Variants in ANK2 observed in about 807,000 individuals in gnomAD.
ANK2 encodes the protein ankyrin-2.
A neutral mutation model predicts 360.5 loss-of-function variants in ANK2; 83 were observed. The ratio of observed to expected loss-of-function variants is 0.23; its 90% CI spans 0.19 to 0.28. The LOEUF (loss-of-function observed/expected upper bound fraction) is 0.28. Ranked by LOEUF, ANK2 falls within the 10% of genes least tolerant of loss-of-function variation. ANK2 has a pLI of 1.00. For synonymous variants in ANK2, 1,740 were observed against 1,759.5 expected, an observed-to-expected ratio of 0.99 and a Z score of 0.28; for missense variants, 4,201 against 4,795.7, an observed-to-expected ratio of 0.88 and a Z score of 3.66.
chr4:112,782,299 C>T, the ANK2 span, among the ~76,000 whole-genome samples: 8 of 152,086 alleles, frequency 5.3e-5, no homozygotes, highest in Non-Finnish European at 8.8e-5. Context: ...TGATTTGAGT[C>T]ATTATACTAT....
intron 26 of ANK2, among the ~76,000 whole-genome samples, chr4:113,320,642 G>A (rs1263025090): frequency 2.0e-5 from 3 of 151,776 alleles, no homozygotes; most frequent in Non-Finnish European, 4.4e-5. Flanking sequence ...GTGACAGAGT[G>A]AGACTCCATC....
At chr4:113,275,361 C>CAGCTAATTAG (rs1372385690) in intron 15 of ANK2, among the ~76,000 whole-genome samples, 1 of 152,166 alleles carries the variant, frequency 6.6e-6, no homozygotes, top group Non-Finnish European at 1.5e-5. Flanking sequence ...TGAATATACT[C>CAGCTAATTAG]AGCTAATTAG....
intron 1 of ANK2, among the ~76,000 whole-genome samples, chr4:113,077,466 T>A (rs1016959694): frequency 1.3e-5 from 2 of 152,220 alleles, no homozygotes; most frequent in African/African-American, 4.8e-5. Flanking sequence ...GTATAATTTT[T>A]AAAATCTGGG....
chr4:113,237,757 A>C, intron 7 of ANK2, 135 bp downstream of exon 7: 1 of 800,910 alleles, frequency 1.2e-6, no homozygotes, highest in Non-Finnish European at 2.2e-6. Context: ...AACCTTCCCC[A>C]TAATGAAGGC....
intron 2 of ANK2, among the ~76,000 whole-genome samples, chr4:113,008,525 G>A (rs772098609): frequency 6.6e-6 from 1 of 152,150 alleles, no homozygotes; most frequent in Admixed American, 6.6e-5. Context: ...CATGATAAAT[G>A]ATATAAGAAT....
At chr4:112,794,888 G>T in the ANK2 span, among the ~76,000 whole-genome samples, 1 of 152,016 alleles carries the variant, frequency 6.6e-6, no homozygotes, top group African/African-American at 2.4e-5. Context: ...AACTGTGAGC[G>T]TAATAGAATA....
chr4:112,861,476 G>A (rs1305886370), intron 1 of ANK2, among the ~76,000 whole-genome samples: 2 of 152,110 alleles, frequency 1.3e-5, no homozygotes, highest in African/African-American at 2.4e-5. Context: ...TACTACAGGC[G>A]TGCTAGTATA....
Position 113,317,484 on chromosome 4 carries a change from G to A in ANK2, c.2694-223G>A, listed in dbSNP as rs1237240774. On this transcript the variant is annotated intron_variant, in intron 24 of 45. Coordinates refer to ENST00000357077, the MANE Select transcript of ANK2 (RefSeq NM_001148.6). The stretch of plus-strand genomic sequence containing the variant: ...TAGGAGTATCAAATTTTAACTTCTG[G>A]ATTCCCTTGTGCTCTTGCCATTGAG... 4 of 568,668 alleles carry A rather than the reference G, an allele frequency of 7.0e-6. No individual in the cohort carries two copies. The East Asian group carries it at 9.2e-5, about 13-fold the overall frequency. 35.2% of individuals were successfully genotyped at this position (568,668 alleles called of 1,614,324 possible).
chr4:113,282,946 G>A, intron 18 of ANK2, 74 bp downstream of exon 18: 6 of 1,494,882 alleles, frequency 4.0e-6, no homozygotes, highest in African/African-American at 1.4e-5. Flanking sequence ...CAGACAGTTT[G>A]GAACAAAAAG....
rs980723515 is a variant in ANK2, at chr4:113,352,928, C to A, written c.4427-117C>A. 9 of 1,189,666 alleles carry A rather than the reference C, an allele frequency of 7.6e-6. No homozygotes were observed. In the African/African-American group the frequency reaches 1.1e-4, roughly 14 times the overall value. 73.7% of individuals were successfully genotyped at this position (1,189,666 alleles called of 1,614,324 possible). A position where few individuals can be genotyped will look rare whatever the true frequency, so the allele number is the denominator to read the frequency against. ...CTACCATTCCCAGCCCATTTTGTTG[C>A]CCCTCCCACCACCACCACCACAGGA... On this transcript the variant is annotated intron_variant, in intron 37 of 45. Transcript: ENST00000357077.
rs143957281 is a variant in ANK2, at chr4:113,364,082, T to G, written c.10888+613T>G. On this transcript the variant is annotated intron_variant, in intron 40 of 45. Transcript: ENST00000357077. ...TATTGTTTGTTTATGAATGGCATGG[T>G]GGGAGGAGGTGCTCCTTACAATTTT... 3.0e-3 allele frequency among the ~76,000 whole-genome samples: 460 copies of G among 152,302 alleles called. 1 individual carries two copies. Among genetic ancestry groups the G allele is most frequent in the Non-Finnish European group, 5.6e-3 (381 of 68,020 alleles).
chr4:113,245,029 G>T (rs897014639), intron 9 of ANK2, among the ~76,000 whole-genome samples: 4 of 152,086 alleles, frequency 2.6e-5, no homozygotes, highest in African/African-American at 9.7e-5. Context: ...TGGGCATTTG[G>T]CTTGGTTCTA....
chr4:113,116,571 C>T (rs147707132), intron 1 of ANK2, among the ~76,000 whole-genome samples: 178 of 152,320 alleles, frequency 1.2e-3, no homozygotes, highest in Non-Finnish European at 2.0e-3. Flanking sequence ...TCTCCCAAAA[C>T]AGCAACGTCG....
the ANK2 span, chr4:112,798,764 A>G: frequency 5.3e-5 from 8 of 152,178 alleles, no homozygotes; most frequent in African/African-American, 1.9e-4. Context: ...CTGGCCATCT[A>G]TCTTACTCAG....
At chr4:113,220,015 C>T (rs1012839075) in intron 4 of ANK2, among the ~76,000 whole-genome samples, 4 of 152,152 alleles carry the variant, frequency 2.6e-5, no homozygotes, top group Non-Finnish European at 5.9e-5. Context: ...CATCTGGTGG[C>T]TCATTCATAA....
chr4:113,107,081 G>A (rs1027690003), intron 1 of ANK2: 8 of 319,466 alleles, frequency 2.5e-5, no homozygotes, highest in Non-Finnish European at 4.3e-5. Context: ...AAGGCCTGGT[G>A]TAAATCTTTG....
chr4:113,261,096 T>C (rs2052616397), intron 13 of ANK2, among the ~76,000 whole-genome samples: 1 of 152,212 alleles, frequency 6.6e-6, no homozygotes, highest in Admixed American at 6.5e-5. Context: ...GCTTTGGACA[T>C]GAGCATACCC....
At chr4:112,989,780 G>T (rs1336298636) in intron 2 of ANK2, among the ~76,000 whole-genome samples, 2 of 152,126 alleles carry the variant, frequency 1.3e-5, no homozygotes, top group Non-Finnish European at 2.9e-5. Context: ...GCTTAGTGTT[G>T]TTCTGTGGGA....
At chr4:113,128,308 T>C (rs746084379) in intron 1 of ANK2, among the ~76,000 whole-genome samples, 5 of 152,230 alleles carry the variant, frequency 3.3e-5, no homozygotes, top group Non-Finnish European at 5.9e-5. Context: ...AATGCACACG[T>C]ATACGAAACA....
Sources: gnomAD v4.1 joint callset for allele counts (sites outside exome capture counted in the v4.1 genomes callset) on GRCh38, gnomAD v4.1.1 for gene constraint, MANE v1.5 for transcripts, NCBI Gene and HGNC (gene_info 2026-07-23, HGNC 2026-07-21) for gene names.